Variants in ACTR3C observed in about 807,000 individuals in gnomAD.
ACTR3C encodes the protein actin related protein 3C.
In ACTR3C, 18 loss-of-function variants were observed where a neutral mutation model predicts 26.3. The ratio of observed to expected loss-of-function variants is 0.68; its 90% confidence interval spans 0.47 to 1.01. The LOEUF is 1.01. Among genes scored for constraint, ACTR3C ranks in the 50% least tolerant of loss-of-function variants. The pLI is 0.00. For synonymous variants in ACTR3C, 55 were observed against 94.5 expected (o/e 0.58, Z 2.42); for missense variants, 184 against 250.7 (o/e 0.73, Z 1.80).
the ACTR3C span, among the ~76,000 whole-genome samples, chr7:150,005,650 C>CT: frequency 5.3e-5 from 8 of 152,060 alleles, no homozygotes; most frequent in Non-Finnish European, 8.8e-5. Flanking sequence ...GCAGGGGGCC[C>CT]TTTCTTAGGG....
At chr7:149,945,283 G>A in the ACTR3C span, among the ~76,000 whole-genome samples, 1 of 148,090 alleles carries the variant, frequency 6.8e-6, no homozygotes, top group East Asian at 2.0e-4. Context: ...GGGAGGGCAA[G>A]GGGATGGCTA....
the ACTR3C span, among the ~76,000 whole-genome samples, chr7:150,086,615 A>C: frequency 1.3e-5 from 2 of 151,432 alleles, no homozygotes; most frequent in Admixed American, 1.3e-4. Flanking sequence ...ACCTAAGGAA[A>C]AGCTGCACTA....
chr7:149,905,706 A>G, the ACTR3C span, among the ~76,000 whole-genome samples: 1 of 151,540 alleles, frequency 6.6e-6, no homozygotes, highest in African/African-American at 2.4e-5. Flanking sequence ...CAACCTTACC[A>G]GTAATCTGAG....
At chr7:149,999,242 T>C in the ACTR3C span, among the ~76,000 whole-genome samples, 2 of 150,924 alleles carry the variant, frequency 1.3e-5, no homozygotes, top group African/African-American at 2.4e-5. Context: ...GTATTTTAAA[T>C]ACATAATAAT....
chr7:150,258,856 C>T (rs1416222065), intron 6 of ACTR3C, among the ~76,000 whole-genome samples: 1 of 151,698 alleles, frequency 6.6e-6, no homozygotes, highest in Non-Finnish European at 1.5e-5. Flanking sequence ...TGGAAAAAGA[C>T]TATTGATGAG....
At chr7:150,024,637 G>A in the ACTR3C span, among the ~76,000 whole-genome samples, 10 of 147,968 alleles carry the variant, frequency 6.8e-5, no homozygotes, top group South Asian at 9.0e-4. Context: ...ATTTCCATCC[G>A]ACTCAGCACA....
the ACTR3C span, among the ~76,000 whole-genome samples, chr7:150,165,670 C>CTG: frequency 0.035 from 5,270 of 152,198 alleles, 153 homozygotes; most frequent in East Asian, 0.19. Flanking sequence ...GGAGTGGCCC[C>CTG]CTTTCCTGCC....
chr7:150,199,657 A>T, the ACTR3C span, among the ~76,000 whole-genome samples: 38 of 144,654 alleles, frequency 2.6e-4, no homozygotes, highest in East Asian at 5.9e-4. Flanking sequence ...AATAAATAAA[A>T]AAAAATAAAA....
chr7:150,284,173 A>G (rs896811664), intron 6 of ACTR3C, among the ~76,000 whole-genome samples: 9 of 152,220 alleles, frequency 5.9e-5, no homozygotes, highest in African/African-American at 2.2e-4. Flanking sequence ...CTTTCCATCG[A>G]TATTTGTGGC....
the ACTR3C span, among the ~76,000 whole-genome samples, chr7:150,093,907 G>A: frequency 4.0e-5 from 6 of 150,894 alleles, no homozygotes; most frequent in East Asian, 3.9e-4. Flanking sequence ...GGCTTCCTGC[G>A]TGCAGATAGT....
At chr7:150,006,404 A>G in the ACTR3C span, among the ~76,000 whole-genome samples, 21 of 147,516 alleles carry the variant, frequency 1.4e-4, no homozygotes, top group East Asian at 5.9e-4. Context: ...TCACTGTGTT[A>G]GCCAGGATGG....
the ACTR3C span, among the ~76,000 whole-genome samples, chr7:150,112,128 C>A: frequency 1.3e-5 from 2 of 150,392 alleles, no homozygotes; most frequent in African/African-American, 4.9e-5. Flanking sequence ...CCCACCCCGA[C>A]GTGCCATCGA....
At chr7:150,104,066 C>T in the ACTR3C span, among the ~76,000 whole-genome samples, 1 of 151,738 alleles carries the variant, frequency 6.6e-6, no homozygotes, top group South Asian at 2.1e-4. Flanking sequence ...ACACACCCTA[C>T]ATTCTGGTGT....
chr7:150,185,423 G>C, the ACTR3C span, among the ~76,000 whole-genome samples: 1 of 152,174 alleles, frequency 6.6e-6, no homozygotes, highest in Non-Finnish European at 1.5e-5. Flanking sequence ...ATTAAAAACA[G>C]TAACAACATC....
chr7:150,014,419 G>A, the ACTR3C span, among the ~76,000 whole-genome samples: 37 of 144,508 alleles, frequency 2.6e-4, no homozygotes, highest in Admixed American at 1.9e-3. Flanking sequence ...TCGCACCACT[G>A]CACTCCAGCC....
intron 1 of ACTR3C, among the ~76,000 whole-genome samples, chr7:150,311,240 C>T (rs1196430164): frequency 1.3e-5 from 2 of 152,196 alleles, no homozygotes; most frequent in South Asian, 2.1e-4. Flanking sequence ...AACCTTTTTC[C>T]GTCCACACAG....
At chr7:150,149,061 G>A in the ACTR3C span, among the ~76,000 whole-genome samples, 5 of 117,242 alleles carry the variant, frequency 4.3e-5, no homozygotes, top group Admixed American at 4.6e-4. Context: ...CACTCTCTTG[G>A]TTACGAATAA....
At chr7:149,897,464 T>C in the ACTR3C span, among the ~76,000 whole-genome samples, 1 of 152,246 alleles carries the variant, frequency 6.6e-6, no homozygotes, top group East Asian at 1.9e-4. Flanking sequence ...GAAATTTATA[T>C]TAAAATTTGT....
the ACTR3C span, among the ~76,000 whole-genome samples, chr7:150,037,911 C>T: frequency 8.1e-5 from 11 of 135,612 alleles, no homozygotes; most frequent in Non-Finnish European, 1.5e-4. Context: ...CTCTCAGTCC[C>T]CGCGTCGCGA....
Sources: gnomAD v4.1 joint callset for allele counts (sites outside exome capture counted in the v4.1 genomes callset) on GRCh38, gnomAD v4.1.1 for gene constraint, MANE v1.5 for transcripts, NCBI Gene and HGNC (gene_info 2026-07-23, HGNC 2026-07-21) for gene names.